Variants in DGKB observed in about 807,000 individuals in gnomAD.
The protein encoded by DGKB is 90 kDa diacylglycerol kinase.
A neutral mutation model predicts 114.3 loss-of-function variants in DGKB; 67 were observed. That is an observed-to-expected ratio of 0.59 (90% CI 0.48 to 0.72). The LOEUF is 0.72. Ranked by LOEUF, DGKB falls within the 30% of genes least tolerant of loss-of-function variation. The pLI, the probability that DGKB is intolerant of heterozygous loss-of-function variation, is 0.00. For synonymous variants in DGKB, 398 were observed against 323.1 expected, an observed-to-expected ratio of 1.23 and a Z score of -2.49; for missense variants, 907 against 975.2, an observed-to-expected ratio of 0.93 and a Z score of 0.93.
At chr7:14,187,764 T>G (rs1159959970) in intron 23 of DGKB, among the ~76,000 whole-genome samples, 2 of 152,018 alleles carry the variant, frequency 1.3e-5, no homozygotes, top group African/African-American at 2.4e-5. Flanking sequence ...CACAATTAGA[T>G]TCACAGATAT....
At chr7:14,857,987 C>A (rs993150123) in intron 1 of DGKB, among the ~76,000 whole-genome samples, 2 of 151,994 alleles carry the variant, frequency 1.3e-5, no homozygotes, top group African/African-American at 4.8e-5. Flanking sequence ...GACTGGTGAA[C>A]CTTTATAATT....
intron 13 of DGKB, among the ~76,000 whole-genome samples, chr7:14,663,571 CT>C (rs1250789780): frequency 6.6e-6 from 1 of 151,586 alleles, no homozygotes; most frequent in Non-Finnish European, 1.5e-5. Flanking sequence ...TTCCTTCTTT[CT>C]CTTCTTCCTT....
chr7:14,275,343 T>C (rs1186068487), intron 23 of DGKB, among the ~76,000 whole-genome samples: 2 of 152,228 alleles, frequency 1.3e-5, no homozygotes, highest in East Asian at 1.9e-4. Flanking sequence ...TGAATATTTC[T>C]TGAAATAATA....
chr7:14,534,730 C>A (rs911487180), intron 20 of DGKB, among the ~76,000 whole-genome samples: 10 of 152,062 alleles, frequency 6.6e-5, no homozygotes, highest in Non-Finnish European at 1.5e-4. Flanking sequence ...ATACAAGAGA[C>A]AAAAAGTAGA....
chr7:14,917,849 T>A (rs1784315837), intron 1 of DGKB, among the ~76,000 whole-genome samples: 1 of 152,000 alleles, frequency 6.6e-6, no homozygotes, highest in South Asian at 2.1e-4. Flanking sequence ...TCATAAATGA[T>A]CCTCAACCAA....
chr7:14,924,843 C>A (rs1784674494), intron 1 of DGKB, among the ~76,000 whole-genome samples: 1 of 152,094 alleles, frequency 6.6e-6, no homozygotes. Flanking sequence ...GGAAACTTTA[C>A]AATTTTATTA....
At chr7:14,726,089 G>A (rs895886191) in intron 5 of DGKB, among the ~76,000 whole-genome samples, 10 of 151,974 alleles carry the variant, frequency 6.6e-5, no homozygotes, top group African/African-American at 1.7e-4. Context: ...GCACAGGTAC[G>A]ACTCAAAATG....
intron 21 of DGKB, among the ~76,000 whole-genome samples, chr7:14,430,849 G>A (rs758840222): frequency 1.4e-4 from 21 of 152,004 alleles, no homozygotes; most frequent in Middle Eastern, 3.4e-3. Context: ...TTTTCATATC[G>A]TACCATAGCT....
intron 20 of DGKB, among the ~76,000 whole-genome samples, chr7:14,484,642 G>A (rs1449748599): frequency 6.6e-6 from 1 of 152,178 alleles, no homozygotes; most frequent in Non-Finnish European, 1.5e-5. Flanking sequence ...AGAACCTTGA[G>A]CCAATTAAAT....
intron 17 of DGKB, among the ~76,000 whole-genome samples, chr7:14,602,933 A>G (rs1803819511): frequency 6.6e-6 from 1 of 152,170 alleles, no homozygotes; most frequent in African/African-American, 2.4e-5. Context: ...TCTCTAGTCT[A>G]ATTGCTATTT....
intron 5 of DGKB, among the ~76,000 whole-genome samples, chr7:14,725,764 T>A (rs1294231611): frequency 6.6e-6 from 1 of 152,072 alleles, no homozygotes; most frequent in African/African-American, 2.4e-5. Flanking sequence ...GCCAGGCTGG[T>A]CTCAAACTCC....
intron 23 of DGKB, among the ~76,000 whole-genome samples, chr7:14,250,502 G>A (rs985430305): frequency 7.9e-5 from 12 of 151,646 alleles, no homozygotes; most frequent in Non-Finnish European, 1.2e-4. Context: ...ATGCCATTTC[G>A]GTCAGAAAAT....
chr7:14,607,286 C>T (rs991926306), intron 17 of DGKB, 148 bp downstream of exon 17: 2 of 550,506 alleles, frequency 3.6e-6, no homozygotes, highest in Non-Finnish European at 6.5e-6. Context: ...AGTATTTGCA[C>T]TCATTTCTCT....
intron 20 of DGKB, among the ~76,000 whole-genome samples, chr7:14,524,773 A>AG (rs1790375746): frequency 6.8e-6 from 1 of 147,568 alleles, no homozygotes; most frequent in Non-Finnish European, 1.5e-5. Flanking sequence ...AAAAAAAAAA[A>AG]GATTCTAATT....
Position 14,514,514 on chromosome 7 carries a change from ATTGT to A in DGKB, c.1771-36293_1771-36290del, listed in dbSNP as rs1444655655. Among the ~76,000 whole-genome samples the A allele has an allele frequency of 9.2e-5, 14 of 152,294 alleles. No individual in the cohort carries two copies. The East Asian group carries it at 2.7e-3, about 29-fold the overall frequency. On this transcript the variant is annotated intron_variant, in intron 20 of 25. Coordinates refer to ENST00000402815, the MANE Select transcript of DGKB (RefSeq NM_001350709.2). ...TAGAATTTTATTGTAACTGCAAATA[ATTGT>A]TTATTGACAGATTTGAATATATAAT...
Position 14,583,131 on chromosome 7 carries a change from G to A in DGKB, c.1440C>T (p.Asn480=), listed in dbSNP as rs374062255. ...LSGNGPMPGL[N]FFRDVPDFRV... ...TGAAGTCAGGAACATCACGGAAAAA[G>A]TTTAACCTGAAAAATAAGCATGTTA... The change falls in exon 18 of 26, where the codon AAC becomes AAT. Residue 480 remains asparagine (N), a synonymous_variant. Coordinates refer to ENST00000402815, the MANE Select transcript of DGKB (RefSeq NM_001350709.2). 3 of 1,608,372 alleles carry A rather than the reference G, an allele frequency of 1.9e-6. No individual in the cohort carries two copies. The African/African-American group carries it at 4.0e-5, about 22-fold the overall frequency.
At chr7:14,407,976 C>T (rs2128739943) in intron 21 of DGKB, among the ~76,000 whole-genome samples, 1 of 152,208 alleles carries the variant, frequency 6.6e-6, no homozygotes, top group East Asian at 1.9e-4. Flanking sequence ...AAAACAGAAA[C>T]TACCCTCCCC....
chr7:14,551,307 G>A (rs1275506849), intron 20 of DGKB, among the ~76,000 whole-genome samples: 1 of 152,156 alleles, frequency 6.6e-6, no homozygotes, highest in East Asian at 1.9e-4. Flanking sequence ...ACCCAATTCT[G>A]ATTTCAGAAG....
At chr7:14,849,201 G>C (rs13235534) in intron 1 of DGKB, among the ~76,000 whole-genome samples, 10,054 of 152,064 alleles carry the variant, frequency 0.066, 449 homozygotes, top group Admixed American at 0.11. Context: ...AGCAATAGTA[G>C]GCAACTTATT....
Sources: allele counts gnomAD v4.1 joint callset (sites outside exome capture counted in the v4.1 genomes callset), GRCh38; gene constraint gnomAD v4.1.1; transcripts MANE v1.5; gene names NCBI Gene and HGNC (gene_info 2026-07-23, HGNC 2026-07-21).